The following ZNF391 variants were observed in gnomAD, a reference collection of about 807,000 sequenced individuals.
The protein encoded by ZNF391 is zinc finger protein 391.
For synonymous variants in ZNF391, 126 were observed against 142.1 expected, an observed-to-expected ratio of 0.89 and a Z score of 0.80; for missense variants, 375 against 425.5, an observed-to-expected ratio of 0.88 and a Z score of 1.04.
intron 1 of ZNF391, among the ~76,000 whole-genome samples, chr6:27,392,693 T>C (rs1761740698): frequency 6.6e-6 from 1 of 152,218 alleles, no homozygotes; most frequent in African/African-American, 2.4e-5. Context: ...CCTTCTGACA[T>C]CAGTGGAGTT....
rs1285495742 is a variant in ZNF391 at position 27,401,380 on chromosome 6, A to G, written c.1010A>G (p.Asp337Gly). The change falls in exon 3 of 3, where the codon GAC becomes GGC. Residue 337 changes from aspartate (D) to glycine (G), a missense_variant. Physicochemically the swap from Asp to Gly is moderately conservative, Grantham distance 94. Coordinates refer to ENST00000244576, the MANE Select transcript of ZNF391 (RefSeq NM_001076781.3). ...GGGGAGAAGCCGTACAAATGTAATG[A>G]CTGTGGAAAAGCCTTCTGTCAGAGT... ...HTGEKPYKCN[D>G]CGKAFCQSST... The G allele has an allele frequency of 6.2e-7, 1 of 1,613,652 alleles. No individual in the cohort carries two copies. Among genetic ancestry groups the G allele is most frequent in the African/African-American group, 1.3e-5 (1 of 74,918 alleles).
Position 27,401,491 on chromosome 6 carries a change from A to T in ZNF391, c.*44A>T. 1 of 1,395,512 alleles carries T rather than the reference A, an allele frequency of 7.2e-7. No homozygotes were observed. Among genetic ancestry groups the T allele is most frequent in the Non-Finnish European group, 9.8e-7 (1 of 1,024,056 alleles). 86.4% of individuals were successfully genotyped at this position (1,395,512 alleles called of 1,614,324 possible). A position where few individuals can be genotyped will look rare whatever the true frequency, so the allele number is the denominator to read the frequency against. ...TGTTAGCATAAGAACACATATACCT[A>T]ACCTCCCACCACTGAAATATATATA... On this transcript the variant is annotated 3_prime_UTR_variant, in exon 3 of 3. Transcript: ENST00000244576.
In ZNF391 at chr6:27,401,508, A is replaced by G; in HGVS notation, c.*61A>G. The G allele has an allele frequency of 8.0e-7, 1 of 1,254,350 alleles. No homozygotes were observed. The highest frequency in any genetic ancestry group is 1.5e-5 in the South Asian group (1 of 68,076). 77.7% of individuals were successfully genotyped at this position (1,254,350 alleles called of 1,614,324 possible). On this transcript the variant is annotated 3_prime_UTR_variant, in exon 3 of 3. Coordinates refer to ENST00000244576, the MANE Select transcript of ZNF391 (RefSeq NM_001076781.3). ...ATATACCTAACCTCCCACCACTGAA[A>G]TATATATATTTCAAGTATATATATA... is the stretch of plus-strand genomic sequence containing the variant.
chr6:27,384,400 G>A (rs377657665), upstream of ZNF391, among the ~76,000 whole-genome samples: 381 of 148,204 alleles, frequency 2.6e-3, no homozygotes, highest in Admixed American at 4.4e-3. Context: ...GGAAGTGAAG[G>A]TTGCAGTGAG....
upstream of ZNF391, among the ~76,000 whole-genome samples, chr6:27,384,968 A>T (rs1229328096): frequency 6.6e-6 from 1 of 151,664 alleles, no homozygotes; most frequent in African/African-American, 2.4e-5. Context: ...GTGAGCCAAG[A>T]TCGCGCCACT....
chr6:27,381,207 G>C (rs1023113026), intron 1 of ZNF391, among the ~76,000 whole-genome samples: 5 of 152,258 alleles, frequency 3.3e-5, no homozygotes, highest in Non-Finnish European at 7.3e-5. Flanking sequence ...CCCGAGGCCT[G>C]CGCCGCGGGA....
chr6:27,387,002 T>G (rs6934748), upstream of ZNF391, among the ~76,000 whole-genome samples: 107,074 of 151,960 alleles, frequency 0.7, 37,980 homozygotes, highest in Middle Eastern at 0.8. Context: ...ATACAAAAAC[T>G]CATGCAACAC....
upstream of ZNF391, among the ~76,000 whole-genome samples, chr6:27,383,893 G>A (rs1274180463): frequency 6.6e-6 from 1 of 151,816 alleles, no homozygotes; most frequent in East Asian, 1.9e-4. Context: ...ATATATAGAG[G>A]AGTAAAGATA....
chr6:27,391,405 C>A (rs570116063), intron 1 of ZNF391, among the ~76,000 whole-genome samples: 1 of 151,870 alleles, frequency 6.6e-6, no homozygotes, highest in South Asian at 2.1e-4. Context: ...ACAGGGTTTC[C>A]CCATGTTGGC....
At position 27,401,803 on chromosome 6, in the gene ZNF391, C is replaced by A. The variant is rs1761977595; in HGVS notation, c.*356C>A. On this transcript the variant is annotated 3_prime_UTR_variant, in exon 3 of 3. Coordinates refer to ENST00000244576, the MANE Select transcript of ZNF391 (RefSeq NM_001076781.3). The stretch of plus-strand genomic sequence containing the variant: ...AAAGCTATCTGACACCTTGTAGTTT[C>A]TCTGCTAATCTATTCCTTCAAGCGT... 1 of 168,274 alleles carries A rather than the reference C, an allele frequency of 5.9e-6. No individual in the cohort carries two copies. The highest frequency in any genetic ancestry group is 5.6e-5 in the Admixed American group (1 of 17,778). 10.4% of individuals were successfully genotyped at this position (168,274 alleles called of 1,614,324 possible).
chr6:27,397,754 C>T (rs1311783715), intron 1 of ZNF391, among the ~76,000 whole-genome samples: 1 of 152,124 alleles, frequency 6.6e-6, no homozygotes. Flanking sequence ...CTCACCCCCC[C>T]AAGTAGCTGG....
intron 1 of ZNF391, among the ~76,000 whole-genome samples, chr6:27,378,944 G>C (rs1761457797): frequency 6.7e-6 from 1 of 148,864 alleles, no homozygotes; most frequent in Non-Finnish European, 1.5e-5. Flanking sequence ...AAAAAAAAAA[G>C]TGTATATTCC....
Position 27,388,784 on chromosome 6 carries a change from T to G in ZNF391, c.-479T>G, listed in dbSNP as rs1229027719. The G allele has an allele frequency of 4.9e-6, 2 of 410,972 alleles. No individual in the cohort carries two copies. The highest frequency in any genetic ancestry group is 7.3e-5 in the East Asian group (1 of 13,692). 25.5% of individuals were successfully genotyped at this position (410,972 alleles called of 1,614,324 possible). ...AGTGTGGTCTCTGTTTTGCAACTGG[T>G]CGTCCGCGTCAGGAGACTTAGGTCC... On this transcript the variant is annotated 5_prime_UTR_variant, in exon 1 of 3. Coordinates refer to ENST00000244576, the MANE Select transcript of ZNF391 (RefSeq NM_001076781.3).
intron 1 of ZNF391, among the ~76,000 whole-genome samples, chr6:27,399,018 G>C (rs1761892059): frequency 1.3e-5 from 2 of 152,180 alleles, no homozygotes; most frequent in South Asian, 4.1e-4. Flanking sequence ...GCTGTGAGAA[G>C]AATGTTAGGG....
At chr6:27,380,056 C>A (rs1761473898) in intron 1 of ZNF391, among the ~76,000 whole-genome samples, 1 of 152,190 alleles carries the variant, frequency 6.6e-6, no homozygotes, top group African/African-American at 2.4e-5. Flanking sequence ...TACCACATTT[C>A]TAAAGGCATA....
intron 1 of ZNF391, among the ~76,000 whole-genome samples, chr6:27,391,936 T>G (rs911588066): frequency 3.3e-5 from 5 of 152,200 alleles, no homozygotes; most frequent in African/African-American, 1.2e-4. Flanking sequence ...TCCGAGGATT[T>G]GAAAAAGAGT....
chr6:27,380,636 G>A (rs1376418121), intron 1 of ZNF391, among the ~76,000 whole-genome samples: 6 of 152,202 alleles, frequency 3.9e-5, no homozygotes, highest in Non-Finnish European at 8.8e-5. Context: ...GATTGGTAGA[G>A]CCAAGTGGTC....
chr6:27,399,572 C>T (rs1761904686), intron 2 of ZNF391, 22 bp downstream of exon 2: 1 of 152,188 alleles, frequency 6.6e-6, no homozygotes, highest in Non-Finnish European at 1.5e-5. Flanking sequence ...CATAAGAAGA[C>T]CAGCAATTTG....
At chr6:27,385,900 T>G (rs375448615), upstream of ZNF391, among the ~76,000 whole-genome samples, 27 of 152,144 alleles carry the variant, frequency 1.8e-4, no homozygotes, top group African/African-American at 6.5e-4. Flanking sequence ...CTTAACAAAT[T>G]TAAAAGAATA....
Sources: allele counts gnomAD v4.1 joint callset (sites outside exome capture counted in the v4.1 genomes callset), GRCh38; gene constraint gnomAD v4.1.1; transcripts MANE v1.5; gene names NCBI Gene and HGNC (gene_info 2026-07-23, HGNC 2026-07-21).